Variants in RELT observed in about 807,000 individuals in gnomAD.
RELT encodes RELT TNF receptor.
In RELT, 37 loss-of-function variants were observed where a neutral mutation model predicts 51.1. The ratio of observed to expected loss-of-function variants is 0.72; its 90% CI spans 0.56 to 0.95. The LOEUF is 0.95. RELT is among the 40% of genes least tolerant of loss of function. The probability of loss-of-function intolerance (pLI) is 0.00; values close to 1 mark genes in which losing one functional copy is unlikely to be tolerated. For missense variants in RELT, 535 were observed against 572.6 expected, an observed-to-expected ratio of 0.93 and a Z score of 0.67; for synonymous variants, 241 against 235.7, an observed-to-expected ratio of 1.02 and a Z score of -0.21.
chr11:73,390,969 C>A, intron 4 of RELT, 48 bp downstream of exon 4: 1 of 1,590,214 alleles, frequency 6.3e-7, no homozygotes, highest in Non-Finnish European at 8.5e-7. Context: ...GTGACCAGGA[C>A]TCTGGATCCT....
In RELT at chr11:73,393,917, G is replaced by A. The variant is rs145546269; in HGVS notation, c.706G>A (p.Glu236Lys). The A allele has an allele frequency of 1.2e-6, 2 of 1,613,792 alleles. No individual in the cohort carries two copies. Among genetic ancestry groups the A allele is most frequent in the South Asian group, 1.1e-5 (1 of 91,074 alleles). ...GGTGCGCTTGATCACAGAGAAGAAA[G>A]GTGAGGAGAAGGTCTGACCCCATCC... is the stretch of plus-strand genomic sequence containing the variant. ...VLVRLITEKKENAAALEELLK... is the reference protein window; with the variant it reads ...VLVRLITEKKKNAAALEELLK... Residue 236 changes from glutamate (E) to lysine (K), a missense_variant and splice_region_variant, in exon 7 of 11, where the codon GAG becomes AAG. Glu to Lys is a moderately conservative substitution (Grantham distance 56). Transcript: ENST00000064780.
intron 1 of RELT, among the ~76,000 whole-genome samples, chr11:73,381,846 C>G (rs1431741287): frequency 6.6e-6 from 1 of 152,168 alleles, no homozygotes; most frequent in Non-Finnish European, 1.5e-5. Context: ...CGAGGCCCCT[C>G]TACTTGTGCT....
chr11:73,391,734 G>A (rs1401357829), intron 5 of RELT, among the ~76,000 whole-genome samples: 1 of 152,024 alleles, frequency 6.6e-6, no homozygotes, highest in African/African-American at 2.4e-5. Flanking sequence ...AGCTGTGATC[G>A]CCCCACTGCA....
rs947062447 is a variant in RELT, at chr11:73,395,888, G to A, written c.*397G>A. 1 of 288,316 alleles carries A rather than the reference G, an allele frequency of 3.5e-6. No homozygotes were observed. The highest frequency in any genetic ancestry group is 4.7e-5 in the South Asian group (1 of 21,402). The allele number at this position is 288,316 out of a possible 1,614,324, so 17.9% of individuals were successfully genotyped here. A position where few individuals can be genotyped will look rare whatever the true frequency, so the allele number is the denominator to read the frequency against. On this transcript the variant is annotated 3_prime_UTR_variant, in exon 11 of 11. Transcript: ENST00000064780. ...GGTAATTAGCCACACCCTTGCCTCT[G>A]TACAGGGCCCTAGAGCAGATGTGCG...
intron 1 of RELT, among the ~76,000 whole-genome samples, chr11:73,385,430 C>A (rs1450332025): frequency 1.3e-5 from 2 of 152,142 alleles, no homozygotes; most frequent in Non-Finnish European, 2.9e-5. Flanking sequence ...TGCTAGTTGG[C>A]TTTTCTCCAG....
chr11:73,396,655 C>T lies in RELT; in HGVS notation c.*1164C>T, dbSNP rs904776546. 2 of 152,362 alleles carry T rather than the reference C, an allele frequency of 1.3e-5. No individual in the cohort carries two copies. Among genetic ancestry groups the T allele is most frequent in the African/African-American group, 4.8e-5 (2 of 41,474 alleles). 9.4% of individuals were successfully genotyped at this position (152,362 alleles called of 1,614,324 possible). A position where few individuals can be genotyped will look rare whatever the true frequency, so the allele number is the denominator to read the frequency against. The stretch of plus-strand genomic sequence containing the variant: ...TGGGAAAGTGCTGTCACGAGGAGCT[C>T]CTTTTCTCTGTGCCCTTCCCAGCTT... On this transcript the variant is annotated 3_prime_UTR_variant, in exon 11 of 11. Transcript: ENST00000064780.
chr11:73,388,509 G>A lies in RELT; in HGVS notation c.-25-603G>A, dbSNP rs1261539974. On this transcript the variant is annotated intron_variant, in intron 1 of 10. Coordinates refer to ENST00000064780, the MANE Select transcript of RELT (RefSeq NM_152222.2). This position sits in a 1 kb window ranked among gnomAD's most constrained non-coding sequence, Gnocchi z 4.1. ...GAAGGACCAGGACCTAGATGGGGTG[G>A]GGAGCTGTGGGAGCCAGACCCACTT... Among the ~76,000 whole-genome samples, 1 of 152,202 alleles carries A rather than the reference G, an allele frequency of 6.6e-6. No homozygotes were observed. Among genetic ancestry groups the A allele is most frequent in the Non-Finnish European group, 1.5e-5 (1 of 68,032 alleles).
At chr11:73,391,006 G>A (rs954031199) in intron 4 of RELT, 85 bp downstream of exon 4, 4 of 1,553,214 alleles carry the variant, frequency 2.6e-6, no homozygotes, top group Admixed American at 3.8e-5. Flanking sequence ...TGTACCCTGA[G>A]CAGGCCTCAT....
At chr11:73,377,810 CCCTT>C (rs1258795375) in intron 1 of RELT, among the ~76,000 whole-genome samples, 3 of 151,968 alleles carry the variant, frequency 2.0e-5, no homozygotes, top group Non-Finnish European at 2.9e-5. Flanking sequence ...CCTGTGTTCT[CCCTT>C]CCCTTCAGGC....
intron 1 of RELT, among the ~76,000 whole-genome samples, chr11:73,385,223 A>AG (rs1866105996): frequency 6.6e-6 from 1 of 151,846 alleles, no homozygotes; most frequent in Non-Finnish European, 1.5e-5. Context: ...TGCCTAGGGG[A>AG]GGGGGAGTGG....
intron 1 of RELT, among the ~76,000 whole-genome samples, chr11:73,383,419 G>A (rs1275933780): frequency 6.6e-6 from 1 of 152,194 alleles, no homozygotes; most frequent in African/African-American, 2.4e-5. Context: ...ATATGCAAAT[G>A]AGTATAGATG....
At chr11:73,377,584 A>G (rs1658781494) in intron 1 of RELT, among the ~76,000 whole-genome samples, 2 of 151,454 alleles carry the variant, frequency 1.3e-5, no homozygotes, top group South Asian at 2.1e-4. Context: ...GCCCACCTGC[A>G]TCCACACACT....
chr11:73,394,560 C>G lies in RELT; in HGVS notation c.872C>G (p.Ser291Cys). Residue 291 changes from serine (S) to cysteine (C), a missense_variant, in exon 9 of 11, where the codon TCT becomes TGT. Physicochemically the swap from Ser to Cys is moderately radical, Grantham distance 112. Transcript: ENST00000064780. This position sits in a 1 kb window ranked among gnomAD's most constrained non-coding sequence, Gnocchi z 4.9. ...ACCGTGCAGGGCCTGGCCTCGCTCT[C>G]TGGCCCCTGCTGCTCCCGCTGTAGC... ...LHTVQGLASL[S>C]GPCCSRCSQK... The G allele has an allele frequency of 6.2e-7, 1 of 1,612,410 alleles. No individual in the cohort carries two copies. Among genetic ancestry groups the G allele is most frequent in the East Asian group, 2.2e-5 (1 of 44,872 alleles).
rs1866336821 is a variant in RELT at position 73,397,410 on chromosome 11, TG to T, written c.*1920del. ...CTTCCAACCCGGCCCAAGGGCCGCA[TG>T]TGGCCCAGGATATGGCTTTGAATGG... is the stretch of plus-strand genomic sequence containing the variant. On this transcript the variant is annotated 3_prime_UTR_variant, in exon 11 of 11. Transcript: ENST00000064780. 6.6e-6 allele frequency: 1 copy of T among 152,284 alleles called. No homozygotes were observed. The highest frequency in any genetic ancestry group is 1.5e-5 in the Non-Finnish European group (1 of 68,048). The allele number at this position is 152,284 out of a possible 1,614,324, so 9.4% of individuals were successfully genotyped here.
Position 73,395,275 on chromosome 11 carries a change from A to T in RELT, c.1235A>T (p.Asn412Ile). 6.2e-7 allele frequency: 1 copy of T among 1,612,934 alleles called. No individual in the cohort carries two copies. Among genetic ancestry groups the T allele is most frequent in the Non-Finnish European group, 8.5e-7 (1 of 1,179,898 alleles). The change falls in exon 10 of 11, where the codon AAC becomes ATC. Residue 412 changes from asparagine (N) to isoleucine (I), a missense_variant. Physicochemically the swap from Asn to Ile is moderately radical, Grantham distance 149. Coordinates refer to ENST00000064780, the MANE Select transcript of RELT (RefSeq NM_152222.2). ...AAGTGGCTGAAGCCCCCAGCAGAGA[A>T]CAAGGCCGAGGTGAGAGTCAAGGAG... is the stretch of plus-strand genomic sequence containing the variant. ...RTKWLKPPAE[N>I]KAEENRYVVR...
rs576000798 is a variant in RELT at position 73,395,784 on chromosome 11, A to G, written c.*293A>G. ...TGCCCTGGCTGGATCCTAGGAGCCC[A>G]CGGGATTCTCTGTATCATCAGAGGC... On this transcript the variant is annotated 3_prime_UTR_variant, in exon 11 of 11. Coordinates refer to ENST00000064780, the MANE Select transcript of RELT (RefSeq NM_152222.2). 6.6e-5 allele frequency: 34 copies of G among 511,696 alleles called. No homozygotes were observed. Among genetic ancestry groups the G allele is most frequent in the Middle Eastern group, 1.0e-3 (2 of 1,916 alleles). The allele number at this position is 511,696 out of a possible 1,614,324, so 31.7% of individuals were successfully genotyped here.
chr11:73,394,665 C>G lies in RELT; in HGVS notation c.977C>G (p.Pro326Arg), dbSNP rs371992975. ...TTPVPSLLPN[P>R]TRVPKAGAKA... Reference sequence around the variant, plus strand: ...CCTGTTCCCAGCCTTCTGCCTAACCCGACCAGGGTTCCCAAGGCCGGGGCC... The same window carrying G: ...CCTGTTCCCAGCCTTCTGCCTAACCGGACCAGGGTTCCCAAGGCCGGGGCC... Residue 326 changes from proline (P) to arginine (R), a missense_variant, in exon 9 of 11, where the codon CCG (proline) becomes CGG (arginine). Coordinates refer to ENST00000064780, the MANE Select transcript of RELT (RefSeq NM_152222.2). The surrounding 1 kb of genome is among the most constrained non-coding windows in gnomAD (Gnocchi z 4.9). The G allele has an allele frequency of 1.5e-5, 24 of 1,613,656 alleles. No homozygotes were observed. In the African/African-American group the frequency reaches 2.7e-4, roughly 18 times the overall value.
rs565168969 is a variant in RELT, at chr11:73,385,504, C to T, written c.-25-3608C>T. Among the ~76,000 whole-genome samples the T allele has an allele frequency of 7.6e-4, 116 of 152,272 alleles. 1 individual carries two copies. The highest frequency in any genetic ancestry group is 2.6e-3 in the African/African-American group (106 of 41,544). On this transcript the variant is annotated intron_variant, in intron 1 of 10. Coordinates refer to ENST00000064780, the MANE Select transcript of RELT (RefSeq NM_152222.2). ...GAGCTGAGTCTGAGGAAACCCTCCC[C>T]GCCTCGTGAGCCTGCTTGGAGGCCT... is the stretch of plus-strand genomic sequence containing the variant.
intron 1 of RELT, among the ~76,000 whole-genome samples, chr11:73,380,473 A>G (rs920666392): frequency 5.9e-5 from 9 of 152,146 alleles, no homozygotes; most frequent in African/African-American, 2.2e-4. Flanking sequence ...ATTTCCTCAC[A>G]ACAGCACTCA....
Sources: gnomAD v4.1 joint callset for allele counts (sites outside exome capture counted in the v4.1 genomes callset) on GRCh38, gnomAD v4.1.1 for gene constraint, Gnocchi (gnomAD v3.1) non-coding constraint, MANE v1.5 for transcripts, NCBI Gene and HGNC (gene_info 2026-07-23, HGNC 2026-07-21) for gene names.